CEP85L: variants seen among roughly 807,000 people sequenced by gnomAD.
CEP85L encodes centrosomal protein of 85 kDa-like.
In CEP85L, 60 loss-of-function variants were observed where a neutral mutation model predicts 100.3. The observed-to-expected ratio is 0.60, with a 90% confidence interval of 0.49 to 0.74. The LOEUF (loss-of-function observed/expected upper bound fraction) is 0.74. CEP85L is among the 30% of genes least tolerant of loss of function. The probability of loss-of-function intolerance (pLI) is 0.00; values close to 1 mark genes in which losing one functional copy is unlikely to be tolerated. For synonymous variants in CEP85L, 319 were observed against 322.7 expected, an observed-to-expected ratio of 0.99 and a Z score of 0.12; for missense variants, 973 against 936.2, an observed-to-expected ratio of 1.04 and a Z score of -0.51.
At chr6:118,495,295 C>A (rs188214345) in intron 5 of CEP85L, among the ~76,000 whole-genome samples, 4 of 152,066 alleles carry the variant, frequency 2.6e-5, no homozygotes, top group Non-Finnish European at 4.4e-5. Context: ...GGTGGAATGA[C>A]ACGGTTTGGT....
chr6:118,524,562 T>C (rs1474574926), intron 3 of CEP85L, among the ~76,000 whole-genome samples: 4 of 152,246 alleles, frequency 2.6e-5, no homozygotes, highest in Non-Finnish European at 5.9e-5. Flanking sequence ...AATGTAGGAA[T>C]GTGCCATGGC....
In CEP85L at chr6:118,651,563, C is replaced by A. The variant is rs1583227934; in HGVS notation, c.-294G>T. 1 of 1,192,076 alleles carries A rather than the reference C, an allele frequency of 8.4e-7. No homozygotes were observed. The highest frequency in any genetic ancestry group is 4.6e-5 in the Admixed American group (1 of 21,808). 73.8% of individuals were successfully genotyped at this position (1,192,076 alleles called of 1,614,324 possible). On this transcript the variant is annotated 5_prime_UTR_variant, in exon 1 of 13. Transcript: ENST00000368491. ...CCGGCTGAGCCCAGGCTCAAAGGCT[C>A]CAGGCGAAGTTGCAGCTGCGGGTTC...
intron 5 of CEP85L, chr6:118,501,520 C>T (rs559596739): frequency 2.5e-5 from 12 of 485,174 alleles, no homozygotes; most frequent in Admixed American, 1.2e-4. Flanking sequence ...ACTCCATCAT[C>T]ATTAAACACC....
intron 1 of CEP85L, among the ~76,000 whole-genome samples, chr6:118,698,518 T>C (rs890718208): frequency 6.8e-6 from 1 of 147,514 alleles, no homozygotes; most frequent in Non-Finnish European, 1.5e-5. Flanking sequence ...TCTGATGTGC[T>C]TTCTGTGTTT....
chr6:118,709,305 G>C (rs539149738), intron 1 of CEP85L, among the ~76,000 whole-genome samples: 14 of 152,106 alleles, frequency 9.2e-5, no homozygotes, highest in Non-Finnish European at 1.5e-4. Flanking sequence ...ACTCATTAAT[G>C]TTTGTCCAGA....
chr6:118,606,705 T>A (rs1199289595), intron 2 of CEP85L, among the ~76,000 whole-genome samples: 3 of 152,230 alleles, frequency 2.0e-5, no homozygotes, highest in Non-Finnish European at 4.4e-5. Flanking sequence ...AATTTGTTAC[T>A]GACCAGCTTG....
intron 5 of CEP85L, among the ~76,000 whole-genome samples, chr6:118,505,224 T>A (rs1582932026): frequency 1.3e-5 from 2 of 151,808 alleles, no homozygotes; most frequent in East Asian, 3.9e-4. Context: ...AGGCAGATCA[T>A]GAAGTCAGGA....
chr6:118,543,459 T>C (rs1778024523), intron 3 of CEP85L, among the ~76,000 whole-genome samples: 1 of 151,612 alleles, frequency 6.6e-6, no homozygotes, highest in Admixed American at 6.6e-5. Flanking sequence ...TCAGTCTCTA[T>C]TCATGAAGTT....
At chr6:118,588,383 C>G (rs1583115577) in intron 2 of CEP85L, among the ~76,000 whole-genome samples, 1 of 152,208 alleles carries the variant, frequency 6.6e-6, no homozygotes, top group Admixed American at 6.5e-5. Flanking sequence ...CAACCACAAT[C>G]TATAGACTCT....
At chr6:118,646,035 T>C (rs1775163584) in intron 1 of CEP85L, among the ~76,000 whole-genome samples, 1 of 151,852 alleles carries the variant, frequency 6.6e-6, no homozygotes, top group Admixed American at 6.6e-5. Flanking sequence ...TGGCCAATAC[T>C]GTGAAATCCT....
chr6:118,501,809 TGAGAGAGAGAGAGA>T (rs35783390), intron 5 of CEP85L: 2 of 1,063,718 alleles, frequency 1.9e-6, no homozygotes, highest in South Asian at 2.6e-5. Context: ...GGCTGCTGGC[TGAGAGAGAGAGAGA>T]GAGAGAGAGG....
upstream of CEP85L, among the ~76,000 whole-genome samples, chr6:118,652,977 A>G (rs547387550): frequency 1.3e-5 from 2 of 152,214 alleles, no homozygotes; most frequent in African/African-American, 2.4e-5. Flanking sequence ...TTTTTTTTTC[A>G]TGCTTTGTAG....
intron 1 of CEP85L, among the ~76,000 whole-genome samples, chr6:118,675,681 C>A (rs1776460878): frequency 6.6e-6 from 1 of 151,580 alleles, no homozygotes; most frequent in African/African-American, 2.4e-5. Context: ...AGTGGGAGGA[C>A]TGCTTGAGAC....
chr6:118,682,940 C>T (rs571837704), intron 1 of CEP85L, among the ~76,000 whole-genome samples: 5 of 152,064 alleles, frequency 3.3e-5, no homozygotes, highest in East Asian at 3.9e-4. Context: ...GTTCCTGGGT[C>T]GTAATAACCA....
chr6:118,581,704 C>T (rs994454968), intron 2 of CEP85L, among the ~76,000 whole-genome samples: 3 of 152,064 alleles, frequency 2.0e-5, no homozygotes, highest in Non-Finnish European at 4.4e-5. Flanking sequence ...TAAAAGGACA[C>T]TTTTATTCTC....
At chr6:118,470,997 G>A (rs1285685602) in intron 10 of CEP85L, among the ~76,000 whole-genome samples, 5 of 152,020 alleles carry the variant, frequency 3.3e-5, no homozygotes, top group African/African-American at 9.7e-5. Flanking sequence ...TGTAGAGAGT[G>A]TATTAGCAAC....
At chr6:118,654,954 T>C (rs1476657680), upstream of CEP85L, among the ~76,000 whole-genome samples, 1 of 152,206 alleles carries the variant, frequency 6.6e-6, no homozygotes, top group Non-Finnish European at 1.5e-5. Flanking sequence ...TAGATGATAA[T>C]TTATATACAT....
At chr6:118,705,246 G>C (rs1489375861) in intron 1 of CEP85L, among the ~76,000 whole-genome samples, 6 of 152,178 alleles carry the variant, frequency 3.9e-5, no homozygotes, top group Non-Finnish European at 7.3e-5. Flanking sequence ...TCATGCAGCA[G>C]AGATGCATAC....
Position 118,544,299 on chromosome 6 carries a change from TTTG to T in CEP85L, c.1021-20382_1021-20380del, listed in dbSNP as rs200754401. ...TTGTTTTGTGATGTATGTGTTTCCC[TTTG>T]TTATTTTTGGCTTTGGTTCTGTCCG... is the stretch of plus-strand genomic sequence containing the variant. On this transcript the variant is annotated intron_variant, in intron 3 of 12. Transcript: ENST00000368491. Among the ~76,000 whole-genome samples, 560 of 152,302 alleles carry T rather than the reference TTTG, an allele frequency of 3.7e-3. 3 individuals are homozygous for T. The highest frequency in any genetic ancestry group is 0.013 in the African/African-American group (535 of 41,568).
Sources: gnomAD v4.1 joint callset for allele counts (sites outside exome capture counted in the v4.1 genomes callset) on GRCh38, gnomAD v4.1.1 for gene constraint, MANE v1.5 for transcripts, NCBI Gene and HGNC (gene_info 2026-07-23, HGNC 2026-07-21) for gene names.